Variants in NPIPB6 observed in about 807,000 individuals in gnomAD.
The protein encoded by NPIPB6 is nuclear pore complex interacting protein family member B6.
NPIPB6 carries 2 observed loss-of-function variants against 20.0 expected under a neutral mutation model. The observed-to-expected ratio is 0.10, with a 90% CI of 0.04 to 0.31. The LOEUF (loss-of-function observed/expected upper bound fraction) is 0.31, where lower values mean the gene tolerates loss of function less well. NPIPB6 is among the 10% of genes least tolerant of loss of function. NPIPB6 has a pLI of 1.00. For synonymous variants in NPIPB6, 35 were observed against 116.3 expected (o/e 0.30, Z 4.50); for missense variants, 96 against 293.7 (o/e 0.33, Z 4.92).
At chr16:28,349,590 CACACAA>C (rs2045174510) in intron 2 of NPIPB6, among the ~76,000 whole-genome samples, 1 of 97,254 alleles carries the variant, frequency 1.0e-5, no homozygotes, top group Non-Finnish European at 2.2e-5. Context: ...CACACACACA[CACACAA>C]GAATGACATG....
intron 2 of NPIPB6, among the ~76,000 whole-genome samples, chr16:28,349,509 C>A (rs1249133878): frequency 9.0e-6 from 1 of 110,654 alleles, no homozygotes; most frequent in Non-Finnish European, 2.0e-5. Context: ...CGAGATCACA[C>A]CACTGCACTC....
At chr16:28,348,350 C>G (rs1481847498) in intron 4 of NPIPB6, among the ~76,000 whole-genome samples, 3 of 105,338 alleles carry the variant, frequency 2.8e-5, no homozygotes, top group African/African-American at 6.5e-5. Flanking sequence ...GAGGCTGAGG[C>G]AGGTGGATTA....
rs2045226995 is a variant in NPIPB6 at position 28,351,433 on chromosome 16, G to A, written c.303+1446C>T. Among the ~76,000 whole-genome samples, 8 of 39,692 alleles carry A rather than the reference G, an allele frequency of 2.0e-4. No individual in the cohort carries two copies. In the South Asian group the frequency reaches 3.9e-3, roughly 19 times the overall value. 26.0% of individuals were successfully genotyped at this position (39,692 alleles called of 152,430 possible). ...GGCTGAGGCGGGTGGATCATTTGAGGTCGGGTTTTGAGACTAGCCTGGCCA... is the reference window on the plus strand; with the variant it reads ...GGCTGAGGCGGGTGGATCATTTGAGATCGGGTTTTGAGACTAGCCTGGCCA... On this transcript the variant is annotated intron_variant, in intron 2 of 6. Transcript: ENST00000532254.
At chr16:28,360,602 G>T (rs1221237808) in intron 1 of NPIPB6, among the ~76,000 whole-genome samples, 1 of 139,884 alleles carries the variant, frequency 7.1e-6, no homozygotes, top group Admixed American at 7.3e-5. Flanking sequence ...CTCCCATGCA[G>T]GCTGACACCA....
Position 28,348,290 on chromosome 16 carries a change from A to G in NPIPB6, c.599+544T>C, listed in dbSNP as rs1163684765. 7.2e-5 allele frequency among the ~76,000 whole-genome samples: 8 copies of G among 111,586 alleles called. 2 individuals carry two copies. The highest frequency in any genetic ancestry group is 2.5e-4 in the African/African-American group (8 of 32,306). 73.2% of individuals were successfully genotyped at this position (111,586 alleles called of 152,430 possible). Reference sequence around the variant, plus strand: ...TTCTATCTCAAAATTTTAAAAAAAAAAAAAAAAGGCTGGGTGTGGTGGCTC... The same window carrying G: ...TTCTATCTCAAAATTTTAAAAAAAAGAAAAAAAGGCTGGGTGTGGTGGCTC... On this transcript the variant is annotated intron_variant, in intron 4 of 6. Transcript: ENST00000532254.
chr16:28,360,378 A>T (rs1210608010), intron 1 of NPIPB6, among the ~76,000 whole-genome samples: 1 of 132,394 alleles, frequency 7.6e-6, no homozygotes, highest in Middle Eastern at 3.7e-3. Flanking sequence ...AGATTTACTG[A>T]CTCAATGTCA....
At chr16:28,362,403 T>C (rs62031458) in intron 1 of NPIPB6, among the ~76,000 whole-genome samples, 49,478 of 149,644 alleles carry the variant, frequency 0.33, 5,411 homozygotes, top group Non-Finnish European at 0.38. Context: ...CAGCCTAAAC[T>C]TGGCAAGATA....
Position 28,349,775 on chromosome 16 carries a change from C to G in NPIPB6, c.304-534G>C, listed in dbSNP as rs886515858. ...TGGTGGTGCATGCCTGTAGTCCCAG[C>G]TAGTCAGGAGGCTGAGGCAGGAGAA... On this transcript the variant is annotated intron_variant, in intron 2 of 6. Transcript: ENST00000532254. 6.5e-5 allele frequency among the ~76,000 whole-genome samples: 7 copies of G among 108,258 alleles called. 1 individual carries two copies. Among genetic ancestry groups the G allele is most frequent in the African/African-American group, 2.2e-4 (7 of 31,688 alleles). The allele number at this position is 108,258 out of a possible 152,430, so 71.0% of individuals were successfully genotyped here.
In NPIPB6 at chr16:28,347,939, G is replaced by A. The variant is rs1234304662; in HGVS notation, c.599+895C>T. Among the ~76,000 whole-genome samples, 47 of 115,064 alleles carry A rather than the reference G, an allele frequency of 4.1e-4. 3 individuals are homozygous for A. Among genetic ancestry groups the A allele is most frequent in the African/African-American group, 1.3e-3 (44 of 33,832 alleles). The allele number at this position is 115,064 out of a possible 152,430, so 75.5% of individuals were successfully genotyped here. On this transcript the variant is annotated intron_variant, in intron 4 of 6. Transcript: ENST00000532254. ...AGCTTGGCCAATATGGTGAAACCCC[G>A]CCTCTACTAAGAATACAAAAATTAT...
At chr16:28,349,600 T>G (rs1305881318) in intron 2 of NPIPB6, among the ~76,000 whole-genome samples, 1 of 76,428 alleles carries the variant, frequency 1.3e-5, no homozygotes, top group African/African-American at 4.8e-5. Flanking sequence ...CACACAAGAA[T>G]GACATGAGGC....
chr16:28,362,102 A>ATTTTTT (rs765651989), intron 1 of NPIPB6, among the ~76,000 whole-genome samples: 508 of 131,152 alleles, frequency 3.9e-3, no homozygotes, highest in African/African-American at 0.014. Flanking sequence ...TTGCAGGATA[A>ATTTTTT]TTTTTTTTTT....
chr16:28,342,893 G>T (rs2045021986), exon 7 of NPIPB6: 1 of 1,573,542 alleles, frequency 6.4e-7, no homozygotes, highest in Non-Finnish European at 8.6e-7. Flanking sequence ...AAGAGGAGAG[G>T]GTGGAAGCGG....
intron 1 of NPIPB6, chr16:28,356,505 A>G: frequency 3.8e-6 from 1 of 263,824 alleles, no homozygotes; most frequent in South Asian, 2.4e-5. Flanking sequence ...AGTAAAAAGG[A>G]AGAAACCCCG....
chr16:28,349,455 G>A (rs1257755619), intron 2 of NPIPB6, among the ~76,000 whole-genome samples: 1 of 91,242 alleles, frequency 1.1e-5, no homozygotes, highest in Non-Finnish European at 2.4e-5. Context: ...GGGAGGCTGA[G>A]GCAGAGAACC....
In NPIPB6 at chr16:28,346,405, G is replaced by A. The variant is rs979565825; in HGVS notation, c.600-1652C>T. Among the ~76,000 whole-genome samples the A allele has an allele frequency of 2.0e-4, 23 of 115,790 alleles. 6 individuals are homozygous for A. In the Admixed American group the frequency reaches 2.3e-3, roughly 11 times the overall value. The allele number at this position is 115,790 out of a possible 152,430, so 76.0% of individuals were successfully genotyped here. ...TCCAGAATATGGTGTCATTAACCCCGCAGTTCACTACTGCACTTTGCCATG... is the reference window on the plus strand; with the variant it reads ...TCCAGAATATGGTGTCATTAACCCCACAGTTCACTACTGCACTTTGCCATG... On this transcript the variant is annotated intron_variant, in intron 4 of 6. Transcript: ENST00000532254.
At chr16:28,349,976 A>G (rs1237061010) in intron 2 of NPIPB6, among the ~76,000 whole-genome samples, 1 of 103,358 alleles carries the variant, frequency 9.7e-6, no homozygotes, top group Non-Finnish European at 2.2e-5. Flanking sequence ...AGGCGGGTGA[A>G]TCACAAGGTC....
Position 28,359,178 on chromosome 16 carries a change from C to G in NPIPB6, c.120+3525G>C, listed in dbSNP as rs1325682466. Among the ~76,000 whole-genome samples the G allele has an allele frequency of 1.7e-3, 221 of 132,134 alleles. 1 individual carries two copies. Among genetic ancestry groups the G allele is most frequent in the South Asian group, 0.011 (43 of 3,892 alleles). 86.7% of individuals were successfully genotyped at this position (132,134 alleles called of 152,430 possible). A position where few individuals can be genotyped will look rare whatever the true frequency, so the allele number is the denominator to read the frequency against. On this transcript the variant is annotated intron_variant, in intron 1 of 6. Coordinates refer to ENST00000532254, the Ensembl canonical transcript of NPIPB6. Reference sequence around the variant, plus strand: ...AAGTGGGGGTTGAAGTCAGATTAGACCAAAAGTGAATGGCAGAGAGTACTA... The same window carrying G: ...AAGTGGGGGTTGAAGTCAGATTAGAGCAAAAGTGAATGGCAGAGAGTACTA...
rs1201716509 is a variant in NPIPB6 at position 28,349,456 on chromosome 16, G to A, written c.304-215C>T. Among the ~76,000 whole-genome samples the A allele has an allele frequency of 5.5e-5, 5 of 90,186 alleles. No individual in the cohort carries two copies. In the East Asian group the frequency reaches 1.6e-3, roughly 28 times the overall value. The allele number at this position is 90,186 out of a possible 152,430, so 59.2% of individuals were successfully genotyped here. ...AATCCAAGCTACTCGGGAGGCTGAG[G>A]CAGAGAACCATTTGAAGCTGGGAGG... On this transcript the variant is annotated intron_variant, in intron 2 of 6. Coordinates refer to ENST00000532254, the Ensembl canonical transcript of NPIPB6.
rs1555461515 is a variant in NPIPB6 at position 28,349,546 on chromosome 16, G to GACAC, written c.304-306_304-305insGTGT. Among the ~76,000 whole-genome samples, 6 of 82,108 alleles carry GACAC rather than the reference G, an allele frequency of 7.3e-5. No homozygotes were observed. In the East Asian group the frequency reaches 1.1e-3, roughly 15 times the overall value. The allele number at this position is 82,108 out of a possible 152,430, so 53.9% of individuals were successfully genotyped here. On this transcript the variant is annotated intron_variant, in intron 2 of 6. Coordinates refer to ENST00000532254, the Ensembl canonical transcript of NPIPB6. ...AGCCTGAGCGACAGAATGAGACTCTGTCACACACACACACACACACACACA... is the reference window on the plus strand; with the variant it reads ...AGCCTGAGCGACAGAATGAGACTCTGACACTCACACACACACACACACACACACA...
Sources: gnomAD v4.1 joint callset for allele counts (sites outside exome capture counted in the v4.1 genomes callset) on GRCh38, gnomAD v4.1.1 for gene constraint, MANE v1.5 for transcripts, NCBI Gene and HGNC (gene_info 2026-07-23, HGNC 2026-07-21) for gene names.